Variants in ERO1B observed in about 807,000 individuals in gnomAD.
ERO1B encodes ERO1-like protein beta.
In ERO1B, 49 loss-of-function variants were observed where a neutral mutation model predicts 75.3. The observed-to-expected ratio is 0.65, with a 90% CI of 0.52 to 0.83. The LOEUF is 0.83. Among genes scored for constraint, ERO1B ranks in the 40% least tolerant of loss-of-function variants. The pLI, the probability that ERO1B is intolerant of heterozygous loss-of-function variation, is 0.00. For missense variants in ERO1B, 512 were observed against 560.1 expected, an observed-to-expected ratio of 0.91 and a Z score of 0.87; for synonymous variants, 191 against 192.9, an observed-to-expected ratio of 0.99 and a Z score of 0.08.
intron 2 of ERO1B, among the ~76,000 whole-genome samples, chr1:236,267,242 T>C (rs1374059894): frequency 6.6e-6 from 1 of 152,252 alleles, no homozygotes; most frequent in East Asian, 1.9e-4. Flanking sequence ...TTATCTTTTC[T>C]GAAGTATGTT....
chr1:236,260,681 AC>A (rs1342983164), intron 2 of ERO1B, among the ~76,000 whole-genome samples: 2 of 150,596 alleles, frequency 1.3e-5, no homozygotes, highest in Admixed American at 6.6e-5. Context: ...AAAAAAAAAG[AC>A]AGACAGACCA....
At chr1:236,241,364 C>T (rs1435095015) in intron 6 of ERO1B, among the ~76,000 whole-genome samples, 5 of 150,526 alleles carry the variant, frequency 3.3e-5, no homozygotes, top group South Asian at 2.1e-4. Flanking sequence ...GCCAACATGG[C>T]GAAACCCTGT....
intron 6 of ERO1B, among the ~76,000 whole-genome samples, chr1:236,237,266 C>T (rs753766930): frequency 1.3e-5 from 2 of 151,824 alleles, no homozygotes; most frequent in African/African-American, 2.4e-5. Context: ...ACTACAGGTG[C>T]GCACCACCAT....
At chr1:236,225,679 A>C (rs1230672240) in intron 12 of ERO1B, among the ~76,000 whole-genome samples, 1 of 152,250 alleles carries the variant, frequency 6.6e-6, no homozygotes, top group Non-Finnish European at 1.5e-5. Context: ...CCATGCCTCT[A>C]ATCCCAGCAC....
At chr1:236,231,934 T>G (rs1490018086) in intron 9 of ERO1B, among the ~76,000 whole-genome samples, 2 of 152,128 alleles carry the variant, frequency 1.3e-5, no homozygotes, top group Non-Finnish European at 2.9e-5. Flanking sequence ...CTATATAGTC[T>G]TACCTACCAC....
rs781465149 is a variant in ERO1B at position 236,236,352 on chromosome 1, T to G, written c.552A>C (p.Pro184=). Reference sequence around the variant, plus strand: ...TCCCTTTATAGCCAGTGTAACGCTCTGGGTTCAGCAATAGGTCTACATACT... The same window carrying G: ...TCCCTTTATAGCCAGTGTAACGCTCGGGGTTCAGCAATAGGTCTACATACT... The part of the protein sequence containing the change: ...AAQYVDLLLN[P]ERYTGYKGTS... The change falls in exon 7 of 16, where the codon CCA becomes CCC. Residue 184 remains proline (P), a synonymous_variant. Coordinates refer to ENST00000354619, the MANE Select transcript of ERO1B (RefSeq NM_019891.4). 1.1e-5 allele frequency: 17 copies of G among 1,614,014 alleles called. No homozygotes were observed. In the South Asian group the frequency reaches 1.9e-4, roughly 18 times the overall value.
At chr1:236,230,152 C>T (rs1664368899) in intron 10 of ERO1B, 72 bp downstream of exon 10, 1 of 1,277,850 alleles carries the variant, frequency 7.8e-7, no homozygotes, top group Non-Finnish European at 1.1e-6. Context: ...AATCCTAGAC[C>T]TTACAAAAAT....
chr1:236,231,161 GTT>G (rs1219397662), intron 9 of ERO1B, among the ~76,000 whole-genome samples: 2 of 151,976 alleles, frequency 1.3e-5, no homozygotes, highest in African/African-American at 4.8e-5. Flanking sequence ...AGACTAATAA[GTT>G]TTAAGGGACA....
chr1:236,253,599 A>G, intron 2 of ERO1B, 94 bp from the exon 3 acceptor site: 1 of 763,308 alleles, frequency 1.3e-6, no homozygotes, highest in Non-Finnish European at 2.3e-6. Context: ...ATGGTGGTGA[A>G]TAAGAAGGAA....
intron 15 of ERO1B, 93 bp from the exon 16 acceptor site, chr1:236,218,669 C>T: frequency 9.2e-7 from 1 of 1,091,134 alleles, no homozygotes; most frequent in South Asian, 3.7e-5. Flanking sequence ...AATTTGAAAG[C>T]AAAACCTAAA....
chr1:236,239,978 C>A (rs1364327629), intron 6 of ERO1B, among the ~76,000 whole-genome samples: 1 of 148,280 alleles, frequency 6.7e-6, no homozygotes, highest in Non-Finnish European at 1.5e-5. Flanking sequence ...GGTCTCAGCT[C>A]AATGCAACCT....
intron 2 of ERO1B, among the ~76,000 whole-genome samples, chr1:236,268,570 T>C (rs573613936): frequency 1.3e-5 from 2 of 152,046 alleles, no homozygotes; most frequent in African/African-American, 2.4e-5. Flanking sequence ...TGGGCAAACA[T>C]GGCAAGACCC....
chr1:236,231,112 C>T (rs540043972), intron 9 of ERO1B, among the ~76,000 whole-genome samples: 1 of 152,014 alleles, frequency 6.6e-6, no homozygotes, highest in South Asian at 2.1e-4. Context: ...TCCATTTTTC[C>T]TAATCCAATA....
At chr1:236,268,818 A>G (rs1218206344) in intron 2 of ERO1B, among the ~76,000 whole-genome samples, 2 of 151,546 alleles carry the variant, frequency 1.3e-5, no homozygotes, top group African/African-American at 2.4e-5. Context: ...CCTGGGAAGT[A>G]GAGCTTGCAG....
intron 8 of ERO1B, among the ~76,000 whole-genome samples, chr1:236,233,096 G>A (rs1226714803): frequency 6.6e-6 from 1 of 151,618 alleles, no homozygotes; most frequent in Admixed American, 6.6e-5. Flanking sequence ...GATCACCTGA[G>A]GTCAGGAGTT....
rs770336460 is a variant in ERO1B at position 236,252,143 on chromosome 1, T to G, written c.307-52A>C. Reference sequence around the variant, plus strand: ...ATTTTTAAGTGATCTTTATTTTTTTTGGAATTTCTTCACGAATTGTCAATG... The same window carrying G: ...ATTTTTAAGTGATCTTTATTTTTTTGGGAATTTCTTCACGAATTGTCAATG... On this transcript the variant is annotated intron_variant, in intron 3 of 15. Coordinates refer to ENST00000354619, the MANE Select transcript of ERO1B (RefSeq NM_019891.4). 7.2e-6 allele frequency: 9 copies of G among 1,254,862 alleles called. No individual in the cohort carries two copies. The East Asian group carries it at 2.1e-4, about 29-fold the overall frequency. 77.7% of individuals were successfully genotyped at this position (1,254,862 alleles called of 1,614,324 possible).
intron 5 of ERO1B, among the ~76,000 whole-genome samples, chr1:236,247,260 A>C (rs894065867): frequency 2.6e-5 from 4 of 152,168 alleles, no homozygotes; most frequent in African/African-American, 9.7e-5. Flanking sequence ...TGGATGTCTC[A>C]CAGGCAGCTC....
intron 5 of ERO1B, among the ~76,000 whole-genome samples, chr1:236,246,605 T>A (rs1246869655): frequency 6.6e-6 from 1 of 152,294 alleles, no homozygotes; most frequent in Non-Finnish European, 1.5e-5. Flanking sequence ...CCCAAAAACA[T>A]GAATGAATCT....
At chr1:236,251,519 C>CAG in intron 4 of ERO1B, 1 of 941,750 alleles carries the variant, frequency 1.1e-6, no homozygotes, top group Non-Finnish European at 1.3e-6. Flanking sequence ...AAGAAGGAGA[C>CAG]AGAGAGAGAG....
Sources: allele counts gnomAD v4.1 joint callset (sites outside exome capture counted in the v4.1 genomes callset), GRCh38; gene constraint gnomAD v4.1.1; transcripts MANE v1.5; gene names NCBI Gene and HGNC (gene_info 2026-07-23, HGNC 2026-07-21).